Variants in RALY observed in about 807,000 individuals in gnomAD.
The protein encoded by RALY is RNA-binding protein Raly.
RALY carries 15 observed loss-of-function variants against 30.7 expected under a neutral mutation model. That is an observed-to-expected ratio of 0.49 (90% CI 0.33 to 0.75). The LOEUF is 0.75. RALY is among the 30% of genes least tolerant of loss of function. RALY has a pLI of 0.02. For missense variants in RALY, 339 were observed against 414.3 expected (o/e 0.82, Z 1.58); for synonymous variants, 177 against 170.8 (o/e 1.04, Z -0.28).
chr20:34,081,755 A>T lies in RALY; in HGVS notation c.*1850A>T, dbSNP rs555128655. On this transcript the variant is annotated 3_prime_UTR_variant, in exon 10 of 10. Coordinates refer to ENST00000246194, the MANE Select transcript of RALY (RefSeq NM_016732.3). ...GGCCCCAGTGTAGCTCTGTGCTTTGATATTCCCAAGCTCTGCTGGGGCCTG... is the reference window on the plus strand; with the variant it reads ...GGCCCCAGTGTAGCTCTGTGCTTTGTTATTCCCAAGCTCTGCTGGGGCCTG... The T allele has an allele frequency of 2.9e-4, 44 of 152,304 alleles. No individual in the cohort carries two copies. The highest frequency in any genetic ancestry group is 1.1e-3 in the African/African-American group (44 of 41,558). The allele number at this position is 152,304 out of a possible 1,614,324, so 9.4% of individuals were successfully genotyped here.
Position 34,078,513 on chromosome 20 carries a change from C to T in RALY, c.885C>T (p.Ser295=). ...TACCTCCTCCCTATCAGGAACACAG[C>T]CAGGACACAGACGCGGATGATGGGG... ...LTHSEEELEH[S]QDTDADDGAL... Residue 295 remains serine (S), a synonymous_variant, in exon 9 of 10, where the codon AGC becomes AGT. Transcript: ENST00000246194. 1 of 1,585,076 alleles carries T rather than the reference C, an allele frequency of 6.3e-7. No homozygotes were observed. The highest frequency in any genetic ancestry group is 1.2e-5 in the South Asian group (1 of 86,692).
At chr20:34,017,367 A>G (rs1385414384) in intron 1 of RALY, 1 of 152,204 alleles carries the variant, frequency 6.6e-6, no homozygotes, top group African/African-American at 2.4e-5. Context: ...ATTTCTGAGC[A>G]TTTGCAACAC....
intron 2 of RALY, among the ~76,000 whole-genome samples, chr20:34,061,309 C>T (rs893797061): frequency 2.0e-5 from 3 of 152,200 alleles, no homozygotes; most frequent in African/African-American, 7.2e-5. Context: ...ATCCCCTTCT[C>T]TCTTAAGAGA....
At chr20:34,070,367 C>T (rs1413132524) in intron 2 of RALY, among the ~76,000 whole-genome samples, 1 of 152,104 alleles carries the variant, frequency 6.6e-6, no homozygotes, top group African/African-American at 2.4e-5. Flanking sequence ...TCTCCTTTCC[C>T]CTTTCCTCTT....
At chr20:33,996,112 A>G (rs899941920) in intron 1 of RALY, among the ~76,000 whole-genome samples, 4 of 152,196 alleles carry the variant, frequency 2.6e-5, no homozygotes, top group Non-Finnish European at 5.9e-5. Context: ...TTTCTAATCC[A>G]TTTCTGTGAG....
intron 1 of RALY, among the ~76,000 whole-genome samples, chr20:33,998,855 G>A (rs2122962878): frequency 6.6e-6 from 1 of 152,148 alleles, no homozygotes; most frequent in East Asian, 1.9e-4. Context: ...TGCTGGGCGT[G>A]GTGGCTCACG....
At chr20:34,074,019 T>TG in intron 5 of RALY, 153 bp downstream of exon 5, 1 of 776,498 alleles carries the variant, frequency 1.3e-6, no homozygotes, top group South Asian at 1.7e-5. Flanking sequence ...GAGCTGAGAC[T>TG]GGGGTCCTGT....
chr20:34,020,826 C>G (rs1231727638), intron 1 of RALY, among the ~76,000 whole-genome samples: 1 of 152,150 alleles, frequency 6.6e-6, no homozygotes, highest in African/African-American at 2.4e-5. Context: ...AGATAAATGT[C>G]AGAACTAGGC....
intron 2 of RALY, among the ~76,000 whole-genome samples, chr20:34,069,840 A>C (rs140004838): frequency 1.7e-4 from 26 of 152,280 alleles, no homozygotes; most frequent in African/African-American, 5.5e-4. Context: ...GTCAGTTCCA[A>C]AGCTGGCACC....
At chr20:34,011,405 T>A (rs1212548927) in intron 1 of RALY, among the ~76,000 whole-genome samples, 1 of 152,168 alleles carries the variant, frequency 6.6e-6, no homozygotes, top group Non-Finnish European at 1.5e-5. Flanking sequence ...CTCAGAGGTT[T>A]TTAAGTAAAT....
intron 2 of RALY, among the ~76,000 whole-genome samples, chr20:34,034,890 C>T (rs1192504204): frequency 6.6e-6 from 1 of 152,062 alleles, no homozygotes; most frequent in African/African-American, 2.4e-5. Flanking sequence ...CGGTGGCTCA[C>T]GCCTGTAATC....
Position 34,077,158 on chromosome 20 carries a change from T to A in RALY, c.789T>A (p.Thr263=), listed in dbSNP as rs766205294. 4 of 1,613,246 alleles carry A rather than the reference T, an allele frequency of 2.5e-6. No homozygotes were observed. The highest frequency in any genetic ancestry group is 2.2e-5 in the South Asian group (2 of 91,024). ...CACCAGCCCCCCAAGAGAACACAAC[T>A]TCTGAGGCAGGCCTGCCCCAGGGGG... ...SRPPAPQENT[T]SEAGLPQGEA... is the part of the protein sequence containing the mutation. The change falls in exon 8 of 10, where the codon ACT becomes ACA. Residue 263 remains threonine (T), a synonymous_variant. Coordinates refer to ENST00000246194, the MANE Select transcript of RALY (RefSeq NM_016732.3).
chr20:34,013,463 C>G (rs1445927001), intron 1 of RALY, among the ~76,000 whole-genome samples: 1 of 149,142 alleles, frequency 6.7e-6, no homozygotes, highest in East Asian at 2.0e-4. Flanking sequence ...GTATTTTCAG[C>G]TTACAAGGGG....
intron 1 of RALY, among the ~76,000 whole-genome samples, chr20:33,999,664 A>G (rs2030818687): frequency 6.6e-6 from 1 of 152,174 alleles, no homozygotes; most frequent in Admixed American, 6.5e-5. Context: ...AAACAAAGAT[A>G]AGTAAAACGT....
chr20:34,067,832 T>TTTTTTA (rs2033619935), intron 2 of RALY, among the ~76,000 whole-genome samples: 1 of 145,618 alleles, frequency 6.9e-6, no homozygotes, highest in African/African-American at 2.7e-5. Flanking sequence ...TTTTTTTTTT[T>TTTTTTA]GAGACACTGT....
chr20:34,083,214 TCA>T lies in RALY; in HGVS notation c.*3310_*3311del, dbSNP rs1170319372. 1.3e-5 allele frequency: 2 copies of T among 152,292 alleles called. No homozygotes were observed. The highest frequency in any genetic ancestry group is 6.5e-5 in the Admixed American group (1 of 15,284). 9.4% of individuals were successfully genotyped at this position (152,292 alleles called of 1,614,324 possible). ...AGTGGCTTGGCAGTTTGGGCTGTGT[TCA>T]GTGTGGTGGTTCTTATCTCATCTGG... is the stretch of plus-strand genomic sequence containing the variant. On this transcript the variant is annotated 3_prime_UTR_variant, in exon 10 of 10. Coordinates refer to ENST00000246194, the MANE Select transcript of RALY (RefSeq NM_016732.3).
intron 1 of RALY, among the ~76,000 whole-genome samples, chr20:34,009,162 G>C (rs1292127927): frequency 2.0e-5 from 3 of 152,004 alleles, no homozygotes; most frequent in Admixed American, 6.6e-5. Context: ...TTATAAGAGT[G>C]GGGGTAGGCC....
intron 5 of RALY, among the ~76,000 whole-genome samples, chr20:34,074,105 G>T (rs1055502732): frequency 6.6e-6 from 1 of 152,080 alleles, no homozygotes; most frequent in African/African-American, 2.4e-5. Flanking sequence ...TTTCCTTCTT[G>T]TCCTTGGGTG....
intron 2 of RALY, 143 bp from the exon 3 acceptor site, chr20:34,071,923 A>G (rs1254786284): frequency 1.1e-6 from 1 of 951,022 alleles, no homozygotes; most frequent in Non-Finnish European, 1.5e-6. Flanking sequence ...ATATGACAAG[A>G]AAACAAGATG....
Sources: gnomAD v4.1 joint callset for allele counts (sites outside exome capture counted in the v4.1 genomes callset) on GRCh38, gnomAD v4.1.1 for gene constraint, MANE v1.5 for transcripts, NCBI Gene and HGNC (gene_info 2026-07-23, HGNC 2026-07-21) for gene names.